Variants in CA10 observed in about 807,000 individuals in gnomAD.
CA10 encodes carbonic anhydrase-related protein 10.
CA10 carries 14 observed loss-of-function variants against 44.2 expected under a neutral mutation model. The ratio of observed to expected loss-of-function variants is 0.32; its 90% CI spans 0.21 to 0.50. The LOEUF is 0.50. CA10 is among the 20% of genes least tolerant of loss of function. The pLI is 0.99. For synonymous variants in CA10, 159 were observed against 141.6 expected (o/e 1.12, Z -0.87); for missense variants, 350 against 409.7 (o/e 0.85, Z 1.26).
chr17:51,994,255 GTT>G (rs11294812), intron 2 of CA10, among the ~76,000 whole-genome samples: 1 of 151,632 alleles, frequency 6.6e-6, no homozygotes, highest in African/African-American at 2.4e-5. Flanking sequence ...TAATCCAAGA[GTT>G]TTTTTCCCCC....
At chr17:51,681,315 T>C (rs564725557) in intron 4 of CA10, among the ~76,000 whole-genome samples, 6 of 152,340 alleles carry the variant, frequency 3.9e-5, no homozygotes, top group Non-Finnish European at 7.4e-5. Context: ...CCATCTCTCT[T>C]TGCTTCAATG....
chr17:51,719,503 GGAA>G (rs1916283188), intron 4 of CA10, among the ~76,000 whole-genome samples: 1 of 152,154 alleles, frequency 6.6e-6, no homozygotes, highest in Non-Finnish European at 1.5e-5. Context: ...TTTACAAATA[GGAA>G]GAAGAGCTGC....
At chr17:51,984,024 T>C (rs1421371920) in intron 2 of CA10, among the ~76,000 whole-genome samples, 1 of 151,818 alleles carries the variant, frequency 6.6e-6, no homozygotes, top group Non-Finnish European at 1.5e-5. Flanking sequence ...TCATTACTAT[T>C]GTATTTGATT....
At chr17:52,033,456 A>C (rs7215744) in intron 2 of CA10, among the ~76,000 whole-genome samples, 151,072 of 152,238 alleles carry the variant, frequency 0.99, 74,970 homozygotes, top group East Asian at 1. Flanking sequence ...TCCAAGAATA[A>C]AAAAGAACAT....
At chr17:52,050,783 GC>G (rs1404819871) in intron 2 of CA10, among the ~76,000 whole-genome samples, 1 of 151,934 alleles carries the variant, frequency 6.6e-6, no homozygotes, top group Non-Finnish European at 1.5e-5. Flanking sequence ...TCCCAGCAAG[GC>G]CCCCCAACTC....
At chr17:51,926,773 C>T (rs1294305964) in intron 3 of CA10, among the ~76,000 whole-genome samples, 1 of 152,134 alleles carries the variant, frequency 6.6e-6, no homozygotes, top group African/African-American at 2.4e-5. Flanking sequence ...CCAGGGTAAC[C>T]TTCCAGTTTT....
chr17:52,006,745 A>T (rs1482890626), intron 2 of CA10, among the ~76,000 whole-genome samples: 1 of 151,900 alleles, frequency 6.6e-6, no homozygotes, highest in African/African-American at 2.4e-5. Flanking sequence ...AATCTAGCTC[A>T]TTCAAGTTCA....
intron 1 of CA10, 81 bp downstream of exon 1, chr17:52,157,645 G>T (rs2143431518): frequency 7.9e-7 from 1 of 1,271,710 alleles, no homozygotes; most frequent in Non-Finnish European, 1.1e-6. Flanking sequence ...TCTGCCCCGC[G>T]GCTATATACA....
chr17:51,798,055 A>G (rs1374528468), intron 3 of CA10, among the ~76,000 whole-genome samples: 2 of 152,134 alleles, frequency 1.3e-5, no homozygotes, highest in Admixed American at 6.5e-5. Context: ...AAATGGGACT[A>G]CGAGACTAGA....
chr17:51,639,470 G>C (rs1912985421), intron 6 of CA10, among the ~76,000 whole-genome samples: 1 of 152,102 alleles, frequency 6.6e-6, no homozygotes, highest in African/African-American at 2.4e-5. Flanking sequence ...CTAGGAGCAA[G>C]AGTCAAAGGT....
chr17:51,993,142 T>C (rs928761215), intron 2 of CA10, among the ~76,000 whole-genome samples: 6 of 152,114 alleles, frequency 3.9e-5, no homozygotes, highest in Admixed American at 1.3e-4. Context: ...CAGGATTTGA[T>C]TGGCAGGACT....
At chr17:51,824,043 C>T (rs1180304549) in intron 3 of CA10, among the ~76,000 whole-genome samples, 1 of 152,128 alleles carries the variant, frequency 6.6e-6, no homozygotes, top group Admixed American at 6.6e-5. Context: ...TCATTGCTCT[C>T]TCAAACTAAG....
At chr17:51,883,027 G>T (rs990171437) in intron 3 of CA10, among the ~76,000 whole-genome samples, 1 of 152,156 alleles carries the variant, frequency 6.6e-6, no homozygotes, top group African/African-American at 2.4e-5. Context: ...AGGTCTAGAA[G>T]AATTCACACT....
At chr17:52,056,602 C>T (rs1987236841) in intron 2 of CA10, among the ~76,000 whole-genome samples, 1 of 151,912 alleles carries the variant, frequency 6.6e-6, no homozygotes, top group African/African-American at 2.4e-5. Context: ...CAGGCATATC[C>T]CTGTCATGCT....
chr17:51,717,529 G>GTATATATATATATA (rs3031848), intron 4 of CA10, among the ~76,000 whole-genome samples: 32 of 50,180 alleles, frequency 6.4e-4, no homozygotes, highest in African/African-American at 2.0e-3. Context: ...AAAGAAACTG[G>GTATATATATATATA]TATATATATA....
intron 4 of CA10, among the ~76,000 whole-genome samples, chr17:51,678,985 T>C (rs1464241839): frequency 2.0e-5 from 3 of 152,212 alleles, no homozygotes; most frequent in Non-Finnish European, 4.4e-5. Flanking sequence ...AGACTTAAGC[T>C]TTCTCCGTTC....
chr17:51,754,157 T>G (rs143141459), intron 3 of CA10, among the ~76,000 whole-genome samples: 244 of 151,936 alleles, frequency 1.6e-3, no homozygotes, highest in African/African-American at 5.4e-3. Context: ...GCTGGTTATT[T>G]AACAATGTAA....
intron 1 of CA10, among the ~76,000 whole-genome samples, chr17:52,120,626 G>A (rs1176229926): frequency 6.6e-6 from 1 of 152,182 alleles, no homozygotes; most frequent in East Asian, 1.9e-4. Flanking sequence ...TATGCCAGAT[G>A]TCTTTGTGCA....
At chr17:51,884,493 A>C (rs1251130379) in intron 3 of CA10, among the ~76,000 whole-genome samples, 1 of 152,078 alleles carries the variant, frequency 6.6e-6, no homozygotes, top group East Asian at 1.9e-4. Flanking sequence ...ATGGCTTGCA[A>C]ATTTAACTCA....
Sources: gnomAD v4.1 joint callset for allele counts (sites outside exome capture counted in the v4.1 genomes callset) on GRCh38, gnomAD v4.1.1 for gene constraint, MANE v1.5 for transcripts, NCBI Gene and HGNC (gene_info 2026-07-23, HGNC 2026-07-21) for gene names.